Variants in CBFB observed in about 807,000 individuals in gnomAD.
The protein encoded by CBFB is core-binding factor subunit beta, also known as CBF-beta.
Under a neutral mutation model 30.4 loss-of-function variants are expected in CBFB, and 9 were observed. The observed-to-expected ratio is 0.30, with a 90% CI of 0.18 to 0.52. The LOEUF is 0.52. CBFB is among the 20% of genes least tolerant of loss of function. The pLI, the probability that CBFB is intolerant of heterozygous loss-of-function variation, is 0.97. For missense variants in CBFB, 170 were observed against 244.0 expected (o/e 0.70, Z 2.02); for synonymous variants, 94 against 84.0 (o/e 1.12, Z -0.65).
intron 3 of CBFB, among the ~76,000 whole-genome samples, chr16:67,046,814 A>G (rs915038537): frequency 8.5e-5 from 13 of 152,178 alleles, no homozygotes; most frequent in African/African-American, 2.9e-4. Flanking sequence ...CTTCAATATT[A>G]TTCTTTGATG....
In CBFB at chr16:67,075,938, T is replaced by A. The variant is rs1273889825; in HGVS notation, c.400-6275T>A. 3.3e-5 allele frequency among the ~76,000 whole-genome samples: 5 copies of A among 152,062 alleles called. No homozygotes were observed. The East Asian group carries it at 5.8e-4, about 18-fold the overall frequency. Reference sequence around the variant, plus strand: ...GCCTGAAATTTAAAAATTTCAAAAATTTTTAAAAATTAACTGGGTACAGTG... The same window carrying A: ...GCCTGAAATTTAAAAATTTCAAAAAATTTTAAAAATTAACTGGGTACAGTG... On this transcript the variant is annotated intron_variant, in intron 4 of 5. Transcript: ENST00000412916.
chr16:67,054,627 T>G (rs1467146531), intron 3 of CBFB, among the ~76,000 whole-genome samples: 1 of 152,182 alleles, frequency 6.6e-6, no homozygotes, highest in Non-Finnish European at 1.5e-5. Context: ...ACAGGAATGA[T>G]CCTGTTACCT....
chr16:67,033,953 C>T (rs1234997657), intron 2 of CBFB, among the ~76,000 whole-genome samples: 4 of 151,704 alleles, frequency 2.6e-5, no homozygotes, highest in African/African-American at 9.7e-5. Context: ...CTCAGCCTCC[C>T]GAGTAGCTAG....
intron 4 of CBFB, among the ~76,000 whole-genome samples, chr16:67,071,257 T>C (rs1416738135): frequency 6.6e-6 from 1 of 152,190 alleles, no homozygotes; most frequent in East Asian, 1.9e-4. Flanking sequence ...ATGAACTGAA[T>C]GTTTGTTTAC....
intron 3 of CBFB, among the ~76,000 whole-genome samples, chr16:67,054,194 C>T (rs1173506142): frequency 1.3e-5 from 2 of 151,880 alleles, no homozygotes; most frequent in Non-Finnish European, 2.9e-5. Flanking sequence ...TTTACGGTCT[C>T]TTTGTGGATA....
At chr16:67,030,137 G>C (rs943398617) in intron 2 of CBFB, 6 of 263,540 alleles carry the variant, frequency 2.3e-5, no homozygotes, top group Non-Finnish European at 4.2e-5. Context: ...TTTGTAGCAA[G>C]CAAACCCCCA....
chr16:67,051,410 A>ATATATATGGATCCAAATATATG (rs1966737023), intron 3 of CBFB, among the ~76,000 whole-genome samples: 1 of 152,072 alleles, frequency 6.6e-6, no homozygotes, highest in Admixed American at 6.6e-5. Context: ...AAAATGTAAT[A>ATATATATGGATCCAAATATATG]TATATATGGA....
At chr16:67,036,900 A>G (rs1966448697) in intron 3 of CBFB, 145 bp downstream of exon 3, 7 of 590,160 alleles carry the variant, frequency 1.2e-5, no homozygotes, top group Non-Finnish European at 1.2e-5. Flanking sequence ...TAAGGATGTA[A>G]TATAATTTTT....
chr16:67,052,167 A>G (rs558837979), intron 3 of CBFB, among the ~76,000 whole-genome samples: 1 of 152,282 alleles, frequency 6.6e-6, no homozygotes, highest in Non-Finnish European at 1.5e-5. Flanking sequence ...GGCGTGAGCC[A>G]CTGTGCCTGA....
At chr16:67,048,923 C>T (rs1159307308) in intron 3 of CBFB, among the ~76,000 whole-genome samples, 10 of 149,586 alleles carry the variant, frequency 6.7e-5, no homozygotes, top group Admixed American at 5.4e-4. Context: ...CGGGTTCATG[C>T]AATTCCCTAC....
intron 3 of CBFB, among the ~76,000 whole-genome samples, chr16:67,048,772 C>G (rs1024256610): frequency 6.8e-6 from 1 of 146,098 alleles, no homozygotes; most frequent in Non-Finnish European, 1.5e-5. Context: ...CCAGGATGGT[C>G]TCGATCTCTT....
At chr16:67,040,354 C>T (rs1303992639) in intron 3 of CBFB, among the ~76,000 whole-genome samples, 1 of 152,160 alleles carries the variant, frequency 6.6e-6, no homozygotes, top group Non-Finnish European at 1.5e-5. Flanking sequence ...CCTGTTCATA[C>T]GCAGTTTTGA....
intron 3 of CBFB, among the ~76,000 whole-genome samples, chr16:67,063,185 T>G (rs1156656843): frequency 6.6e-6 from 1 of 152,202 alleles, no homozygotes; most frequent in African/African-American, 2.4e-5. Flanking sequence ...TGGTGGAGTT[T>G]TAAATGCACA....
intron 5 of CBFB, among the ~76,000 whole-genome samples, chr16:67,085,673 C>CTTTTTTT (rs764788080): frequency 4.3e-5 from 5 of 115,440 alleles, no homozygotes; most frequent in African/African-American, 1.7e-4. Flanking sequence ...AATTTAGTAT[C>CTTTTTTT]TTTTTTTTTT....
chr16:67,086,356 T>G (rs1034204543), intron 5 of CBFB, among the ~76,000 whole-genome samples: 4 of 152,260 alleles, frequency 2.6e-5, no homozygotes, highest in African/African-American at 7.2e-5. Context: ...TTCCTCAGTC[T>G]TCTTAGTCAT....
intron 2 of CBFB, among the ~76,000 whole-genome samples, chr16:67,033,062 A>G (rs1268813307): frequency 6.6e-6 from 1 of 152,232 alleles, no homozygotes; most frequent in East Asian, 1.9e-4. Flanking sequence ...TTTAGTAGAG[A>G]CGGAGTTTCA....
intron 3 of CBFB, among the ~76,000 whole-genome samples, chr16:67,065,784 A>G (rs980462814): frequency 3.9e-5 from 6 of 152,246 alleles, no homozygotes; most frequent in Non-Finnish European, 8.8e-5. Flanking sequence ...TAATTGATAC[A>G]TGTAGTCAAA....
chr16:67,056,471 A>C (rs1392258958), intron 3 of CBFB, among the ~76,000 whole-genome samples: 2 of 152,206 alleles, frequency 1.3e-5, no homozygotes, highest in African/African-American at 4.8e-5. Context: ...TCACTGATAC[A>C]GTGTTCATGT....
At chr16:67,082,778 A>G (rs992892083) in intron 5 of CBFB, among the ~76,000 whole-genome samples, 2 of 152,194 alleles carry the variant, frequency 1.3e-5, no homozygotes, top group African/African-American at 4.8e-5. Context: ...TTAATATTCA[A>G]ACTATTCAAA....
Sources: gnomAD v4.1 joint callset for allele counts (sites outside exome capture counted in the v4.1 genomes callset) on GRCh38, gnomAD v4.1.1 for gene constraint, MANE v1.5 for transcripts, NCBI Gene and HGNC (gene_info 2026-07-23, HGNC 2026-07-21) for gene names.